INPP4B: variants seen among roughly 807,000 people sequenced by gnomAD.
INPP4B encodes inositol polyphosphate-4-phosphatase type II B, also known as inositol polyphosphate 4-phosphatase type II.
A neutral mutation model predicts 122.5 loss-of-function variants in INPP4B; 55 were observed. That is an observed-to-expected ratio of 0.45 (90% CI 0.36 to 0.56). INPP4B has a LOEUF of 0.56. INPP4B is among the 20% of genes least tolerant of loss of function. INPP4B has a pLI of 0.00. For synonymous variants in INPP4B, 403 were observed against 388.7 expected, an observed-to-expected ratio of 1.04 and a Z score of -0.43; for missense variants, 1,000 against 1,097.7, an observed-to-expected ratio of 0.91 and a Z score of 1.26.
At chr4:142,388,121 TG>T (rs1355777277) in intron 7 of INPP4B, among the ~76,000 whole-genome samples, 6 of 152,224 alleles carry the variant, frequency 3.9e-5, no homozygotes, top group Non-Finnish European at 8.8e-5. Flanking sequence ...TTATAAAAAC[TG>T]CTTACCACCA....
intron 2 of INPP4B, among the ~76,000 whole-genome samples, chr4:142,477,584 A>G (rs368155457): frequency 2.0e-4 from 31 of 152,056 alleles, no homozygotes; most frequent in Non-Finnish European, 8.8e-5. Context: ...ATAAGAAACA[A>G]CAAAGGAGAC....
At chr4:142,175,123 A>G (rs1291073096) in intron 15 of INPP4B, among the ~76,000 whole-genome samples, 1 of 152,162 alleles carries the variant, frequency 6.6e-6, no homozygotes, top group East Asian at 1.9e-4. Context: ...ACTTGCTTAC[A>G]TCCCATTATA....
intron 25 of INPP4B, among the ~76,000 whole-genome samples, chr4:142,080,408 G>A (rs984341966): frequency 5.9e-5 from 9 of 152,174 alleles, no homozygotes; most frequent in Non-Finnish European, 1.3e-4. Context: ...CTCTGGCACG[G>A]TCCTCATATA....
chr4:142,080,692 T>A (rs2667116), intron 25 of INPP4B, among the ~76,000 whole-genome samples: 134,109 of 151,824 alleles, frequency 0.88, 60,933 homozygotes, highest in Non-Finnish European at 0.98. Context: ...TCCCCTCTTC[T>A]ATCTTAAATA....
chr4:142,274,475 C>T (rs1382487747), intron 9 of INPP4B, among the ~76,000 whole-genome samples: 1 of 151,444 alleles, frequency 6.6e-6, no homozygotes. Flanking sequence ...TCAATTCTAG[C>T]TTCTCTTCCT....
rs1579998218 is a variant in INPP4B at position 142,416,304 on chromosome 4, C to T, written c.137-10980G>A. Among the ~76,000 whole-genome samples the T allele has an allele frequency of 7.2e-5, 11 of 152,142 alleles. No homozygotes were observed. In the South Asian group the frequency reaches 2.3e-3, roughly 32 times the overall value. ...CCGACAGGGAGGCAGCTGTTCAATCCAGATGACTTCCCATACAACACACTG... is the reference window on the plus strand; with the variant it reads ...CCGACAGGGAGGCAGCTGTTCAATCTAGATGACTTCCCATACAACACACTG... On this transcript the variant is annotated intron_variant, in intron 5 of 25. Transcript: ENST00000262992.
chr4:142,397,273 G>A, intron 7 of INPP4B, among the ~76,000 whole-genome samples: 1 of 152,132 alleles, frequency 6.6e-6, no homozygotes, highest in East Asian at 1.9e-4. Context: ...TGAATGAGCA[G>A]GTTGAGGGAA....
In INPP4B at chr4:142,246,135, C is replaced by CAT. The variant is rs1222452129; in HGVS notation, c.689-8126_689-8125dup. 5.6e-3 allele frequency among the ~76,000 whole-genome samples: 829 copies of CAT among 148,164 alleles called. 29 individuals are homozygous for CAT. Among genetic ancestry groups the CAT allele is most frequent in the African/African-American group, 0.02 (780 of 39,524 alleles). On this transcript the variant is annotated intron_variant, in intron 11 of 25. Transcript: ENST00000262992. The stretch of plus-strand genomic sequence containing the variant: ...ATATATATGTGTATGTATACACACA[C>CAT]ATATATATATACATATATGTGTTTT...
intron 1 of INPP4B, among the ~76,000 whole-genome samples, chr4:142,785,463 G>A (rs80229278): frequency 0.088 from 13,332 of 151,894 alleles, 731 homozygotes; most frequent in African/African-American, 0.15. Context: ...TATGGATAAT[G>A]TAAGCAGAAA....
chr4:142,497,491 G>A (rs1257204000), intron 2 of INPP4B, among the ~76,000 whole-genome samples: 1 of 152,104 alleles, frequency 6.6e-6, no homozygotes, highest in South Asian at 2.1e-4. Context: ...ATACTTCCAA[G>A]TAGGTTCATA....
At chr4:142,471,422 T>C (rs1187973676) in intron 2 of INPP4B, among the ~76,000 whole-genome samples, 1 of 152,216 alleles carries the variant, frequency 6.6e-6, no homozygotes, top group Non-Finnish European at 1.5e-5. Flanking sequence ...GGAACATCTC[T>C]CCTACGTCAA....
intron 25 of INPP4B, among the ~76,000 whole-genome samples, chr4:142,031,405 C>A (rs773088808): frequency 2.0e-5 from 3 of 152,140 alleles, no homozygotes; most frequent in Non-Finnish European, 4.4e-5. Context: ...TTTGACCAGG[C>A]ATTGACCACA....
intron 7 of INPP4B, among the ~76,000 whole-genome samples, chr4:142,387,513 C>A (rs1251117434): frequency 6.6e-6 from 1 of 150,502 alleles, no homozygotes; most frequent in Non-Finnish European, 1.5e-5. Context: ...AAAAGATTTT[C>A]TTTTGTGTTG....
chr4:142,526,723 A>G (rs542423483), intron 2 of INPP4B, among the ~76,000 whole-genome samples: 2 of 152,200 alleles, frequency 1.3e-5, no homozygotes. Context: ...AATATGAGAT[A>G]GTTCTTTAGT....
intron 15 of INPP4B, among the ~76,000 whole-genome samples, chr4:142,176,464 T>C (rs527685784): frequency 6.6e-6 from 1 of 152,226 alleles, no homozygotes; most frequent in Non-Finnish European, 1.5e-5. Context: ...TTCTTTACTA[T>C]TATTCTTTCC....
chr4:142,766,306 A>C (rs1772114145), intron 1 of INPP4B, among the ~76,000 whole-genome samples: 1 of 152,094 alleles, frequency 6.6e-6, no homozygotes, highest in South Asian at 2.1e-4. Context: ...ACTAATGTCT[A>C]TTTTAAAAAT....
chr4:142,841,084 A>G (rs997057117), intron 1 of INPP4B, among the ~76,000 whole-genome samples: 1 of 152,072 alleles, frequency 6.6e-6, no homozygotes, highest in Non-Finnish European at 1.5e-5. Flanking sequence ...TCAATTATGC[A>G]GCTATTCTCT....
chr4:142,783,159 C>A (rs1775156878), intron 1 of INPP4B, among the ~76,000 whole-genome samples: 1 of 152,070 alleles, frequency 6.6e-6, no homozygotes, highest in Non-Finnish European at 1.5e-5. Flanking sequence ...CCAAAATGGA[C>A]AAATGGGATC....
chr4:142,611,216 C>T (rs933963392), intron 2 of INPP4B, among the ~76,000 whole-genome samples: 2 of 152,082 alleles, frequency 1.3e-5, no homozygotes, highest in South Asian at 2.1e-4. Context: ...CTTGCAAGAA[C>T]TGACTTACTC....
Sources: allele counts gnomAD v4.1 joint callset (sites outside exome capture counted in the v4.1 genomes callset), GRCh38; gene constraint gnomAD v4.1.1; transcripts MANE v1.5; gene names NCBI Gene and HGNC (gene_info 2026-07-23, HGNC 2026-07-21).